RTF1: variants seen among roughly 807,000 people sequenced by gnomAD.
RTF1 encodes the protein RNA polymerase-associated protein RTF1 homolog.
A neutral mutation model predicts 95.7 loss-of-function variants in RTF1; 10 were observed. The ratio of observed to expected loss-of-function variants is 0.10; its 90% CI spans 0.06 to 0.18. The LOEUF is 0.18. Ranked by LOEUF, RTF1 falls within the 10% of genes least tolerant of loss-of-function variation. The pLI, the probability that RTF1 is intolerant of heterozygous loss-of-function variation, is 1.00. For missense variants in RTF1, 458 were observed against 875.6 expected (o/e 0.52, Z 6.02); for synonymous variants, 305 against 311.8 (o/e 0.98, Z 0.23).
chr15:41,456,861 G>A (rs943350305), intron 3 of RTF1, among the ~76,000 whole-genome samples: 1 of 151,104 alleles, frequency 6.6e-6, no homozygotes, highest in Admixed American at 6.6e-5. Context: ...CAAGGTGGGC[G>A]GATCACGAGG....
At chr15:41,432,196 CTT>C (rs1324449834) in intron 1 of RTF1, among the ~76,000 whole-genome samples, 27 of 136,806 alleles carry the variant, frequency 2.0e-4, no homozygotes, top group Admixed American at 3.0e-4. Flanking sequence ...GTTAGGTTTT[CTT>C]TTTTTTTTTT....
chr15:41,471,072 A>C, intron 7 of RTF1, 100 bp from the exon 8 acceptor site: 1 of 1,123,480 alleles, frequency 8.9e-7, no homozygotes, highest in Non-Finnish European at 1.3e-6. Flanking sequence ...TAGGCCAGTC[A>C]CATGTACTTT....
intron 2 of RTF1, among the ~76,000 whole-genome samples, chr15:41,438,750 A>G (rs973047769): frequency 6.6e-6 from 1 of 151,884 alleles, no homozygotes; most frequent in Non-Finnish European, 1.5e-5. Flanking sequence ...AATCCCAGCT[A>G]CTAAGGAGGC....
At chr15:41,434,804 T>G (rs886529646) in intron 1 of RTF1, among the ~76,000 whole-genome samples, 13 of 151,900 alleles carry the variant, frequency 8.6e-5, no homozygotes, top group African/African-American at 3.1e-4. Context: ...ATTTTTTGTA[T>G]TTTTAGTAGA....
In RTF1 at chr15:41,483,084, C is replaced by G. The variant is rs917603285; in HGVS notation, c.*2397C>G. 5.2e-5 allele frequency: 8 copies of G among 152,654 alleles called. No individual in the cohort carries two copies. The highest frequency in any genetic ancestry group is 1.9e-4 in the African/African-American group (8 of 41,414). 9.5% of individuals were successfully genotyped at this position (152,654 alleles called of 1,614,324 possible). Reference sequence around the variant, plus strand: ...GGGAGAAAAGCCAACCAAAGAAGACCGAAGGGTATCTTTCCACCCGAGTAG... The same window carrying G: ...GGGAGAAAAGCCAACCAAAGAAGACGGAAGGGTATCTTTCCACCCGAGTAG... On this transcript the variant is annotated 3_prime_UTR_variant, in exon 18 of 18. Coordinates refer to ENST00000389629, the MANE Select transcript of RTF1 (RefSeq NM_015138.5).
At chr15:41,426,926 C>G (rs1239100554) in intron 1 of RTF1, among the ~76,000 whole-genome samples, 1 of 149,912 alleles carries the variant, frequency 6.7e-6, no homozygotes, top group Admixed American at 6.8e-5. Flanking sequence ...ACTGCAACCT[C>G]CACCTCCCAG....
intron 5 of RTF1, 73 bp downstream of exon 5, chr15:41,464,958 G>GTGTA (rs1450683913): frequency 6.8e-7 from 1 of 1,460,428 alleles, no homozygotes; most frequent in African/African-American, 1.4e-5. Context: ...GTGTGTGTGT[G>GTGTA]TGTGTGTGTA....
intron 14 of RTF1, 67 bp from the exon 15 acceptor site, chr15:41,478,481 G>A: frequency 3.5e-6 from 4 of 1,153,198 alleles, no homozygotes; most frequent in Non-Finnish European, 3.9e-6. Flanking sequence ...TTATTTGCCT[G>A]TGAGCTTATG....
At chr15:41,471,977 C>T (rs1222401952) in intron 8 of RTF1, among the ~76,000 whole-genome samples, 1 of 152,098 alleles carries the variant, frequency 6.6e-6, no homozygotes, top group Non-Finnish European at 1.5e-5. Context: ...TGGCTCACTG[C>T]AACCTCCGCC....
chr15:41,457,614 C>T lies in RTF1; in HGVS notation c.458-58C>T, dbSNP rs1328001335. 58 of 1,457,018 alleles carry T rather than the reference C, an allele frequency of 4.0e-5. No individual in the cohort carries two copies. The East Asian group carries it at 5.5e-4, about 14-fold the overall frequency. 90.3% of individuals were successfully genotyped at this position (1,457,018 alleles called of 1,614,324 possible). A position where few individuals can be genotyped will look rare whatever the true frequency, so the allele number is the denominator to read the frequency against. On this transcript the variant is annotated intron_variant, in intron 3 of 17. Transcript: ENST00000389629. The stretch of plus-strand genomic sequence containing the variant: ...GGTGATGTTGTCAACATTGTGGAGC[C>T]GCTTGTGGCCTGTCTTCTGTAGCAT...
chr15:41,478,796 C>T (rs965937898), intron 15 of RTF1, 171 bp downstream of exon 15: 12 of 634,852 alleles, frequency 1.9e-5, no homozygotes, highest in African/African-American at 9.2e-5. Flanking sequence ...TAGGACATAT[C>T]GGTAGTGAAA....
intron 6 of RTF1, among the ~76,000 whole-genome samples, chr15:41,467,229 C>T (rs1475579187): frequency 1.3e-5 from 2 of 152,180 alleles, no homozygotes; most frequent in Non-Finnish European, 2.9e-5. Flanking sequence ...CTACCTCTCT[C>T]TTCCTCCCTG....
intron 4 of RTF1, among the ~76,000 whole-genome samples, chr15:41,461,919 T>C (rs1215463453): frequency 6.6e-6 from 1 of 150,700 alleles, no homozygotes; most frequent in African/African-American, 2.4e-5. Context: ...AATTTTTTTT[T>C]CTTTTTTTTT....
At chr15:41,480,560 A>C in intron 17 of RTF1, 21 bp from the exon 18 acceptor site, 1 of 1,581,556 alleles carries the variant, frequency 6.3e-7, no homozygotes, top group Non-Finnish European at 8.7e-7. Flanking sequence ...TCAGCTGCCA[A>C]CTTGCTCTTC....
At chr15:41,422,974 A>G (rs1370197400) in intron 1 of RTF1, among the ~76,000 whole-genome samples, 1 of 152,004 alleles carries the variant, frequency 6.6e-6, no homozygotes, top group Non-Finnish European at 1.5e-5. Context: ...GGGTTTCACC[A>G]TCTTGGCCAG....
At chr15:41,430,445 A>G (rs973080916) in intron 1 of RTF1, among the ~76,000 whole-genome samples, 4 of 151,926 alleles carry the variant, frequency 2.6e-5, no homozygotes, top group Admixed American at 2.6e-4. Context: ...CCTCAATAAG[A>G]ATGTAAAGGA....
At chr15:41,418,958 T>C (rs979995562) in intron 1 of RTF1, among the ~76,000 whole-genome samples, 6 of 151,962 alleles carry the variant, frequency 3.9e-5, no homozygotes, top group African/African-American at 1.2e-4. Flanking sequence ...GGGAGGACTT[T>C]TAAGAAGAAA....
At position 41,463,813 on chromosome 15, in the gene RTF1, G is replaced by A. The variant is rs1052243501; in HGVS notation, c.663-958G>A. On this transcript the variant is annotated intron_variant, in intron 4 of 17. Coordinates refer to ENST00000389629, the MANE Select transcript of RTF1 (RefSeq NM_015138.5). ...TTTGTGATAATAGCTATCCTGGTGG[G>A]TGTGAAATGGTCTTTCATTGTGTGT... 3.3e-5 allele frequency among the ~76,000 whole-genome samples: 5 copies of A among 151,866 alleles called. No homozygotes were observed. In the South Asian group the frequency reaches 6.2e-4, roughly 19 times the overall value.
At chr15:41,469,599 C>T (rs925091676) in intron 6 of RTF1, among the ~76,000 whole-genome samples, 4 of 151,120 alleles carry the variant, frequency 2.6e-5, no homozygotes, top group Non-Finnish European at 4.4e-5. Flanking sequence ...AGTCTTGGCT[C>T]ACTGCAACCT....
Sources: allele counts gnomAD v4.1 joint callset (sites outside exome capture counted in the v4.1 genomes callset), GRCh38; gene constraint gnomAD v4.1.1; transcripts MANE v1.5; gene names NCBI Gene and HGNC (gene_info 2026-07-23, HGNC 2026-07-21).